Variants in ZC3H13 observed in about 807,000 individuals in gnomAD.
ZC3H13 encodes the protein zinc finger CCCH-type containing 13, also known as zinc finger CCCH domain-containing protein 13.
In ZC3H13, 64 loss-of-function variants were observed where a neutral mutation model predicts 204.1. The ratio of observed to expected loss-of-function variants is 0.31; its 90% CI spans 0.26 to 0.39. The LOEUF is 0.39. Ranked by LOEUF, ZC3H13 falls within the 10% of genes least tolerant of loss-of-function variation. ZC3H13 has a pLI of 1.00. For synonymous variants in ZC3H13, 667 were observed against 693.7 expected (o/e 0.96, Z 0.60); for missense variants, 1,833 against 2,082.7 (o/e 0.88, Z 2.33).
At chr13:46,010,563 C>A in intron 6 of ZC3H13, 58 bp from the exon 7 acceptor site, 1 of 1,537,672 alleles carries the variant, frequency 6.5e-7, no homozygotes, top group South Asian at 1.2e-5. Flanking sequence ...TACAACAAGA[C>A]TTACAGTATT....
chr13:45,999,500 C>T (rs949288908), intron 8 of ZC3H13, among the ~76,000 whole-genome samples: 3 of 152,194 alleles, frequency 2.0e-5, no homozygotes, highest in Admixed American at 1.3e-4. Context: ...ACTCCTCATC[C>T]GTTCAAGTCT....
At chr13:45,980,044 C>T (rs1169374789) in intron 10 of ZC3H13, 40 bp from the exon 11 acceptor site, 6 of 1,514,606 alleles carry the variant, frequency 4.0e-6, no homozygotes, top group Middle Eastern at 1.8e-4. Context: ...ACCACATACA[C>T]TTTATTCAAC....
intron 15 of ZC3H13, among the ~76,000 whole-genome samples, 174 bp downstream of exon 15, chr13:45,967,330 T>C (rs1952176961): frequency 6.6e-6 from 1 of 152,204 alleles, no homozygotes; most frequent in African/African-American, 2.4e-5. Flanking sequence ...TAAAAAAATA[T>C]ATATATCTCT....
chr13:46,027,048 A>G (rs754515730), intron 4 of ZC3H13, among the ~76,000 whole-genome samples: 4 of 152,226 alleles, frequency 2.6e-5, no homozygotes, highest in Non-Finnish European at 5.9e-5. Flanking sequence ...TAAATGACAA[A>G]GTAAAAGTAT....
chr13:46,006,183 G>T (rs551715319), intron 7 of ZC3H13, among the ~76,000 whole-genome samples: 2 of 151,388 alleles, frequency 1.3e-5, no homozygotes, highest in African/African-American at 4.9e-5. Flanking sequence ...CTCAGCACAA[G>T]AAGACAGCTT....
chr13:46,013,177 A>G (rs1474587023), intron 5 of ZC3H13, among the ~76,000 whole-genome samples: 1 of 152,160 alleles, frequency 6.6e-6, no homozygotes, highest in Non-Finnish European at 1.5e-5. Flanking sequence ...GCACTTTGGG[A>G]GGCCGAGGAG....
At chr13:45,968,338 T>C (rs1424003251) in intron 14 of ZC3H13, among the ~76,000 whole-genome samples, 1 of 152,154 alleles carries the variant, frequency 6.6e-6, no homozygotes, top group Admixed American at 6.5e-5. Flanking sequence ...GTACATAAAA[T>C]GATTAGGCAT....
At position 45,987,539 on chromosome 13, in the gene ZC3H13, C is replaced by CAA. The variant is rs143593381; in HGVS notation, c.1255+1246_1255+1247dup. On this transcript the variant is annotated intron_variant, in intron 9 of 18. Coordinates refer to ENST00000679008, the MANE Select transcript of ZC3H13 (RefSeq NM_001330564.2). ...TGACCTAGTTCCAAAATCATACATA[C>CAA]AAAAAAAAAATTCTATCAAATAGGT... Among the ~76,000 whole-genome samples the CAA allele has an allele frequency of 2.1e-3, 309 of 150,352 alleles. 1 individual carries two copies. Among genetic ancestry groups the CAA allele is most frequent in the Middle Eastern group, 0.01 (3 of 290 alleles).
intron 4 of ZC3H13, among the ~76,000 whole-genome samples, chr13:46,036,392 G>A (rs1230145041): frequency 1.3e-5 from 2 of 152,162 alleles, no homozygotes; most frequent in African/African-American, 4.8e-5. Context: ...TAATTTGAGT[G>A]TAGTCATCTT....
At chr13:46,035,627 T>A (rs1242684263) in intron 4 of ZC3H13, among the ~76,000 whole-genome samples, 1 of 152,254 alleles carries the variant, frequency 6.6e-6, no homozygotes, top group Non-Finnish European at 1.5e-5. Flanking sequence ...CAACACTCAT[T>A]TGATCTATTT....
intron 4 of ZC3H13, among the ~76,000 whole-genome samples, chr13:46,037,050 C>T (rs923593297): frequency 2.6e-5 from 4 of 151,714 alleles, no homozygotes; most frequent in Non-Finnish European, 5.9e-5. Context: ...TATATGAGGA[C>T]GAATAAACAA....
At chr13:45,995,247 T>C (rs887491506) in intron 8 of ZC3H13, among the ~76,000 whole-genome samples, 6 of 152,200 alleles carry the variant, frequency 3.9e-5, no homozygotes, top group African/African-American at 1.2e-4. Context: ...GAGAACAGCC[T>C]TCCTCAAGTC....
intron 14 of ZC3H13, among the ~76,000 whole-genome samples, chr13:45,968,385 T>G (rs1318896008): frequency 6.6e-6 from 1 of 152,158 alleles, no homozygotes; most frequent in Non-Finnish European, 1.5e-5. Context: ...GATCTCCTCC[T>G]ACTCCCCTAT....
At chr13:45,962,700 T>C in intron 17 of ZC3H13, 1 of 981,750 alleles carries the variant, frequency 1.0e-6, no homozygotes, top group Non-Finnish European at 1.2e-6. Context: ...ATAAAACTCA[T>C]AAAACAATAT....
intron 12 of ZC3H13, among the ~76,000 whole-genome samples, chr13:45,973,901 T>C (rs1236831450): frequency 2.0e-5 from 3 of 151,926 alleles, no homozygotes; most frequent in South Asian, 4.2e-4. Flanking sequence ...ATCCAAGGAG[T>C]GTACTACAGA....
chr13:46,029,998 G>C (rs1235944545), intron 4 of ZC3H13, among the ~76,000 whole-genome samples: 3 of 151,944 alleles, frequency 2.0e-5, no homozygotes, highest in African/African-American at 4.8e-5. Flanking sequence ...TTAATAAAAA[G>C]CTAGCAAATC....
intron 15 of ZC3H13, among the ~76,000 whole-genome samples, chr13:45,966,822 A>G (rs1952129710): frequency 6.6e-6 from 1 of 152,210 alleles, no homozygotes; most frequent in Non-Finnish European, 1.5e-5. Flanking sequence ...TTTGAGTAAG[A>G]AAGATGAGAT....
intron 8 of ZC3H13, among the ~76,000 whole-genome samples, chr13:45,993,426 T>C (rs1483001439): frequency 1.3e-5 from 2 of 152,130 alleles, no homozygotes; most frequent in Admixed American, 1.3e-4. Flanking sequence ...GCAAGAGCTT[T>C]AGGATCAATA....
At chr13:45,997,772 T>C (rs966434035) in intron 8 of ZC3H13, among the ~76,000 whole-genome samples, 2 of 152,048 alleles carry the variant, frequency 1.3e-5, no homozygotes, top group African/African-American at 2.4e-5. Context: ...AGCCATCCTT[T>C]AAGAAATGTA....
Sources: allele counts gnomAD v4.1 joint callset (sites outside exome capture counted in the v4.1 genomes callset), GRCh38; gene constraint gnomAD v4.1.1; transcripts MANE v1.5; gene names NCBI Gene and HGNC (gene_info 2026-07-23, HGNC 2026-07-21).